ATP8A2: variants seen among roughly 807,000 people sequenced by gnomAD.
ATP8A2 encodes phospholipid-transporting ATPase IB.
Under a neutral mutation model 165.6 loss-of-function variants are expected in ATP8A2, and 100 were observed. That is an observed-to-expected ratio of 0.60 (90% confidence interval 0.51 to 0.71). ATP8A2 has a LOEUF of 0.71. Ranked by LOEUF, ATP8A2 falls within the 30% of genes least tolerant of loss-of-function variation. The pLI is 0.00. For missense variants in ATP8A2, 1,227 were observed against 1,479.5 expected (o/e 0.83, Z 2.80); for synonymous variants, 543 against 548.8 (o/e 0.99, Z 0.15).
intron 1 of ATP8A2, among the ~76,000 whole-genome samples, chr13:25,411,316 G>T (rs1381129381): frequency 1.3e-5 from 2 of 152,168 alleles, no homozygotes; most frequent in African/African-American, 4.8e-5. Context: ...ATGGTTGCTG[G>T]TTCCTGAGAG....
At chr13:25,653,205 T>C (rs2041853651) in intron 24 of ATP8A2, among the ~76,000 whole-genome samples, 1 of 152,202 alleles carries the variant, frequency 6.6e-6, no homozygotes, top group South Asian at 2.1e-4. Context: ...CACCGTTTAT[T>C]GAATAGGGAG....
At chr13:25,927,991 A>G (rs557157237) in intron 33 of ATP8A2, among the ~76,000 whole-genome samples, 6 of 152,390 alleles carry the variant, frequency 3.9e-5, no homozygotes, top group Non-Finnish European at 7.3e-5. Flanking sequence ...GCTTCAATTC[A>G]GTGCTTTTAA....
chr13:25,600,890 G>A (rs545689069), intron 24 of ATP8A2, among the ~76,000 whole-genome samples: 33 of 152,316 alleles, frequency 2.2e-4, no homozygotes, highest in African/African-American at 7.7e-4. Flanking sequence ...CAGCTCACCT[G>A]TAGGCAGGAA....
At chr13:25,464,665 A>G (rs894743145) in intron 1 of ATP8A2, among the ~76,000 whole-genome samples, 1 of 152,116 alleles carries the variant, frequency 6.6e-6, no homozygotes, top group Non-Finnish European at 1.5e-5. Context: ...TAACAAGTAG[A>G]TGGTATTGCA....
chr13:25,645,177 C>A (rs189166235), intron 24 of ATP8A2, among the ~76,000 whole-genome samples: 3 of 151,840 alleles, frequency 2.0e-5, no homozygotes, highest in Admixed American at 6.6e-5. Context: ...AATCATTGTG[C>A]GATATGAAAG....
chr13:25,465,704 TTTCTTTCTTTCTTTC>T (rs2035628206), intron 1 of ATP8A2, among the ~76,000 whole-genome samples: 1 of 21,618 alleles, frequency 4.6e-5, no homozygotes, highest in Non-Finnish European at 1.1e-4. Flanking sequence ...TCTTTCTTTC[TTTCTTTCTTTCTTTC>T]TTTCTTTCTT....
intron 24 of ATP8A2, among the ~76,000 whole-genome samples, chr13:25,698,414 G>A (rs78876600): frequency 0.03 from 4,584 of 151,944 alleles, 120 homozygotes; most frequent in East Asian, 0.13. Context: ...TAGTTTTTTC[G>A]TAGAGACGGG....
At chr13:25,525,070 G>C (rs994636454) in intron 2 of ATP8A2, among the ~76,000 whole-genome samples, 2 of 151,326 alleles carry the variant, frequency 1.3e-5, no homozygotes, top group African/African-American at 4.9e-5. Context: ...TTGCACTGTG[G>C]TCATCACAAG....
At chr13:25,663,917 G>C (rs925422094) in intron 24 of ATP8A2, among the ~76,000 whole-genome samples, 12 of 152,128 alleles carry the variant, frequency 7.9e-5, no homozygotes, top group African/African-American at 2.9e-4. Flanking sequence ...AGAAACTATA[G>C]AAATTAGACG....
chr13:25,853,420 TATAG>T (rs1451396706), intron 30 of ATP8A2, among the ~76,000 whole-genome samples: 6,197 of 146,346 alleles, frequency 0.042, 360 homozygotes, highest in Admixed American at 0.12. Flanking sequence ...TGTATATATA[TATAG>T]AATTTCTTAT....
At chr13:25,717,455 C>T (rs1384319747) in intron 25 of ATP8A2, among the ~76,000 whole-genome samples, 1 of 149,872 alleles carries the variant, frequency 6.7e-6, no homozygotes, top group Admixed American at 6.6e-5. Flanking sequence ...TAGGCACTAC[C>T]ACTACCAGCA....
In ATP8A2 at chr13:25,571,591, A is replaced by G. The variant is rs1010828413; in HGVS notation, c.1580-19A>G. 2 of 1,599,848 alleles carry G rather than the reference A, an allele frequency of 1.3e-6. No homozygotes were observed. The highest frequency in any genetic ancestry group is 1.7e-5 in the Admixed American group (1 of 59,804). On this transcript the variant is annotated intron_variant, in intron 17 of 36. Coordinates refer to ENST00000381655, the MANE Select transcript of ATP8A2 (RefSeq NM_016529.6). ...ACTACCAGTGATATGTCAATGTTTC[A>G]CCAACTCCCACTTGACAGATGAAGC...
chr13:25,576,233 C>T (rs182147912), intron 19 of ATP8A2, among the ~76,000 whole-genome samples: 8 of 152,192 alleles, frequency 5.3e-5, no homozygotes, highest in African/African-American at 1.9e-4. Flanking sequence ...AGACTCTCCC[C>T]GACTCTTAGA....
At chr13:25,534,111 C>G (rs2038203031) in intron 6 of ATP8A2, 3 of 506,346 alleles carry the variant, frequency 5.9e-6, no homozygotes, top group Non-Finnish European at 1.2e-5. Flanking sequence ...TCTTTTATAT[C>G]TGAAAAATGC....
At chr13:25,633,571 T>C (rs1352634188) in intron 24 of ATP8A2, among the ~76,000 whole-genome samples, 2 of 152,220 alleles carry the variant, frequency 1.3e-5, no homozygotes, top group Admixed American at 1.3e-4. Context: ...AAAATAATTA[T>C]AATGACAACA....
intron 27 of ATP8A2, among the ~76,000 whole-genome samples, chr13:25,776,373 T>C (rs1253575055): frequency 3.3e-5 from 5 of 152,224 alleles, no homozygotes; most frequent in Non-Finnish European, 4.4e-5. Context: ...TGCTTAAGTG[T>C]ATTTCCCTAG....
chr13:25,830,105 C>T (rs1442847353), intron 28 of ATP8A2, among the ~76,000 whole-genome samples: 1 of 151,342 alleles, frequency 6.6e-6, no homozygotes, highest in African/African-American at 2.4e-5. Flanking sequence ...ACCTCCCTGG[C>T]TCAAGCAATC....
At chr13:25,441,610 A>T (rs2034933551) in intron 1 of ATP8A2, among the ~76,000 whole-genome samples, 1 of 152,154 alleles carries the variant, frequency 6.6e-6, no homozygotes, top group African/African-American at 2.4e-5. Context: ...ATTCTTTTAG[A>T]TATACTTTTT....
intron 4 of ATP8A2, among the ~76,000 whole-genome samples, chr13:25,530,892 C>T (rs1208780598): frequency 6.6e-6 from 1 of 151,922 alleles, no homozygotes; most frequent in Non-Finnish European, 1.5e-5. Context: ...CTCTGGAGCC[C>T]CATTGATTTT....
Sources: allele counts gnomAD v4.1 joint callset (sites outside exome capture counted in the v4.1 genomes callset), GRCh38; gene constraint gnomAD v4.1.1; transcripts MANE v1.5; gene names NCBI Gene and HGNC (gene_info 2026-07-23, HGNC 2026-07-21).